CFTR: variants seen among roughly 807,000 people sequenced by gnomAD.
CFTR encodes CF transmembrane conductance regulator.
Under a neutral mutation model 171.6 loss-of-function variants are expected in CFTR, and 181 were observed. That is an observed-to-expected ratio of 1.05 (90% confidence interval 0.93 to 1.19). CFTR has a LOEUF of 1.19. Ranked by LOEUF, CFTR falls within the 50% of genes most tolerant of loss-of-function variation. The probability of loss-of-function intolerance (pLI) is 0.00; values close to 1 mark genes in which losing one functional copy is unlikely to be tolerated. For missense variants in CFTR, 1,968 were observed against 1,734.7 expected (o/e 1.13, Z -2.39); for synonymous variants, 583 against 608.0 (o/e 0.96, Z 0.60).
At chr7:117,538,763 C>G (rs541901867) in intron 7 of CFTR, among the ~76,000 whole-genome samples, 1 of 152,182 alleles carries the variant, frequency 6.6e-6, no homozygotes, top group East Asian at 1.9e-4. Flanking sequence ...TAAGCTGTAA[C>G]TGGCAGAACC....
chr7:117,535,261 C>G lies in CFTR; in HGVS notation c.593C>G (p.Ala198Gly). 6.2e-7 allele frequency: 1 copy of G among 1,614,066 alleles called. No homozygotes were observed. The highest frequency in any genetic ancestry group is 8.5e-7 in the Non-Finnish European group (1 of 1,180,008). ...TTTATTTTCCAGGGACTTGCATTGG[C>G]ACATTTCGTGTGGATCGCTCCTTTG... Reference protein sequence around the residue: ...LNKFDEGLALAHFVWIAPLQV... With the variant: ...LNKFDEGLALGHFVWIAPLQV... Residue 198 changes from alanine to glycine, a missense_variant, in exon 6 of 27, where the codon GCA becomes GGA. By Grantham distance (60) the Ala-to-Gly change is moderately conservative (BLOSUM62 0). Coordinates refer to ENST00000003084, the MANE Select transcript of CFTR (RefSeq NM_000492.4).
rs397508410 is a variant in CFTR at position 117,602,825 on chromosome 7, G to C, written c.2620-1G>C. On this transcript the variant is annotated splice_acceptor_variant, in intron 15 of 26. Coordinates refer to ENST00000003084, the MANE Select transcript of CFTR (RefSeq NM_000492.4). LOFTEE classifies it high-confidence loss of function. ...ATCAACTGTGTCTTGTTCCATTCCAGGTGGCTGCTTCTTTGGTTGTGCTGT... is the reference window on the plus strand; with the variant it reads ...ATCAACTGTGTCTTGTTCCATTCCACGTGGCTGCTTCTTTGGTTGTGCTGT... 6.2e-7 allele frequency: 1 copy of C among 1,613,822 alleles called. No homozygotes were observed. The highest frequency in any genetic ancestry group is 1.1e-5 in the South Asian group (1 of 91,080).
chr7:117,645,522 C>G (rs1263449188), intron 23 of CFTR, among the ~76,000 whole-genome samples: 4 of 152,200 alleles, frequency 2.6e-5, no homozygotes, highest in African/African-American at 9.7e-5. Flanking sequence ...GGCCAGCTCC[C>G]AAGCCCTGTT....
chr7:117,640,701 C>T (rs1379874026), intron 22 of CFTR, among the ~76,000 whole-genome samples: 1 of 152,124 alleles, frequency 6.6e-6, no homozygotes, highest in African/African-American at 2.4e-5. Flanking sequence ...TGTGTTTGTG[C>T]AACATGAGCT....
At position 117,509,073 on chromosome 7, in the gene CFTR, A is replaced by T. The variant is rs397508335; in HGVS notation, c.204A>T (p.Lys68Asn). ...DRELASKKNP[K>N]LINALRRCFF... is the part of the protein sequence containing the mutation. ...AGCTGGCTTCAAAGAAAAATCCTAA[A>T]CTCATTAATGCCCTTCGGCGATGTT... The change falls in exon 3 of 27, where the codon AAA becomes AAT. Residue 68 changes from lysine to asparagine, a missense_variant. Lys to Asn is a moderately conservative substitution (Grantham distance 94). Transcript: ENST00000003084. 6 of 1,612,944 alleles carry T rather than the reference A, an allele frequency of 3.7e-6. No individual in the cohort carries two copies. The highest frequency in any genetic ancestry group is 3.3e-4 in the Middle Eastern group (2 of 6,074).
chr7:117,557,726 C>T (rs1349261745), intron 10 of CFTR, among the ~76,000 whole-genome samples: 1 of 151,952 alleles, frequency 6.6e-6, no homozygotes, highest in African/African-American at 2.4e-5. Context: ...CCATTTTCAA[C>T]CTTTATGCAC....
At chr7:117,560,621 A>G (rs1282177488) in intron 11 of CFTR, 4 of 152,102 alleles carry the variant, frequency 2.6e-5, no homozygotes, top group Non-Finnish European at 4.4e-5. Context: ...ATGGCTTTCC[A>G]TGTATATACT....
chr7:117,653,036 T>G, intron 24 of CFTR, 105 bp downstream of exon 24: 1 of 790,668 alleles, frequency 1.3e-6, no homozygotes, highest in Non-Finnish European at 2.3e-6. Flanking sequence ...TGTATGTGTG[T>G]GCACAACTTT....
intron 1 of CFTR, among the ~76,000 whole-genome samples, chr7:117,503,754 C>T (rs1222223586): frequency 6.6e-6 from 1 of 152,156 alleles, no homozygotes; most frequent in East Asian, 1.9e-4. Flanking sequence ...AACTCTCTGG[C>T]TATAGTCATT....
In CFTR at chr7:117,591,950, A is replaced by G. The variant is rs750140050; in HGVS notation, c.1783A>G (p.Met595Val). The G allele has an allele frequency of 2.5e-6, 4 of 1,585,098 alleles. No individual in the cohort carries two copies. The highest frequency in any genetic ancestry group is 1.7e-4 in the Middle Eastern group (1 of 5,822). ...ATCTTAAAGCTGTGTCTGTAAACTG[A>G]TGGCTAACAAAACTAGGATTTTGGT... ...EIFESCVCKL[M>V]ANKTRILVTS... Residue 595 changes from methionine (M) to valine (V), a missense_variant, in exon 14 of 27, where the codon ATG becomes GTG. Physicochemically the swap from Met to Val is conservative, Grantham distance 21. Transcript: ENST00000003084.
At chr7:117,625,702 A>G (rs1792640323) in intron 21 of CFTR, among the ~76,000 whole-genome samples, 1 of 152,156 alleles carries the variant, frequency 6.6e-6, no homozygotes, top group African/African-American at 2.4e-5. Context: ...CAATTATTTC[A>G]AGAGAGGGAT....
At position 117,484,331 on chromosome 7, in the gene CFTR, C is replaced by A. The variant is rs1387495576; in HGVS notation, c.53+4184C>A. 2.0e-5 allele frequency among the ~76,000 whole-genome samples: 3 copies of A among 152,184 alleles called. No individual in the cohort carries two copies. In the East Asian group the frequency reaches 5.8e-4, roughly 29 times the overall value. ...TTGTGATATACAACTGCCAAGCATTCCCGATTACCATGACTCCATTTAGTC... is the reference window on the plus strand; with the variant it reads ...TTGTGATATACAACTGCCAAGCATTACCGATTACCATGACTCCATTTAGTC... On this transcript the variant is annotated intron_variant, in intron 1 of 26. Transcript: ENST00000003084.
intron 21 of CFTR, among the ~76,000 whole-genome samples, chr7:117,625,479 A>G (rs1027027544): frequency 1.3e-5 from 2 of 152,178 alleles, no homozygotes; most frequent in Non-Finnish European, 2.9e-5. Context: ...CTTATTTTCT[A>G]ATACTACTAT....
chr7:117,480,164 C>A lies in CFTR; in HGVS notation c.53+17C>A, dbSNP rs1797979411. Reference sequence around the variant, plus strand: ...TTTTTTCAGGTGAGAAGGTGGCCAACCGAGCTTCGGAAAGACACGTGCCCA... The same window carrying A: ...TTTTTTCAGGTGAGAAGGTGGCCAAACGAGCTTCGGAAAGACACGTGCCCA... On this transcript the variant is annotated intron_variant, in intron 1 of 26. Coordinates refer to ENST00000003084, the MANE Select transcript of CFTR (RefSeq NM_000492.4). 1 of 1,613,614 alleles carries A rather than the reference C, an allele frequency of 6.2e-7. No homozygotes were observed.
At chr7:117,654,017 G>T (rs1307505212) in intron 24 of CFTR, among the ~76,000 whole-genome samples, 1 of 152,212 alleles carries the variant, frequency 6.6e-6, no homozygotes, top group Non-Finnish European at 1.5e-5. Context: ...TAAGGCTTGA[G>T]AATAATTTGC....
chr7:117,554,663 G>C (rs1336567282), intron 10 of CFTR, among the ~76,000 whole-genome samples: 1 of 152,048 alleles, frequency 6.6e-6, no homozygotes, highest in Non-Finnish European at 1.5e-5. Context: ...AGGTTAAGGA[G>C]GTGGGTGAAG....
chr7:117,602,876 T>C lies in CFTR; in HGVS notation c.2657+13T>C. 1 of 1,605,776 alleles carries C rather than the reference T, an allele frequency of 6.2e-7. No homozygotes were observed. Among genetic ancestry groups the C allele is most frequent in the Non-Finnish European group, 8.5e-7 (1 of 1,172,368 alleles). ...GGCTCCTTGGAAAGTGAGTATTCCATGTCCTATTGTGTAGATTGTGTTTTA... is the reference window on the plus strand; with the variant it reads ...GGCTCCTTGGAAAGTGAGTATTCCACGTCCTATTGTGTAGATTGTGTTTTA... On this transcript the variant is annotated intron_variant, in intron 16 of 26. Transcript: ENST00000003084.
At chr7:117,656,794 T>G (rs1793190054) in intron 24 of CFTR, among the ~76,000 whole-genome samples, 1 of 152,326 alleles carries the variant, frequency 6.6e-6, no homozygotes, top group African/African-American at 2.4e-5. Context: ...TGTATTCCAC[T>G]ATTAGCGCTT....
intron 1 of CFTR, among the ~76,000 whole-genome samples, chr7:117,488,753 G>A (rs1333177498): frequency 1.3e-5 from 2 of 152,144 alleles, no homozygotes; most frequent in Middle Eastern, 3.4e-3. Flanking sequence ...GTGCTCTAAA[G>A]TAAAGGCTAC....
Sources: gnomAD v4.1 joint callset for allele counts (sites outside exome capture counted in the v4.1 genomes callset) on GRCh38, gnomAD v4.1.1 for gene constraint, MANE v1.5 for transcripts, NCBI Gene and HGNC (gene_info 2026-07-23, HGNC 2026-07-21) for gene names.